The following NOL9 variants were observed in gnomAD, a reference collection of about 807,000 sequenced individuals.
NOL9 encodes nucleolar protein 9.
NOL9 carries 28 observed loss-of-function variants against 67.9 expected under a neutral mutation model. The observed-to-expected ratio is 0.41, with a 90% confidence interval of 0.31 to 0.57. The LOEUF is 0.57. Among genes scored for constraint, NOL9 ranks in the 20% least tolerant of loss-of-function variants. The pLI is 0.25. For synonymous variants in NOL9, 356 were observed against 352.2 expected (o/e 1.01, Z -0.12); for missense variants, 777 against 897.0 (o/e 0.87, Z 1.71).
At chr1:6,552,066 T>C (rs1409999711) in intron 1 of NOL9, among the ~76,000 whole-genome samples, 1 of 152,120 alleles carries the variant, frequency 6.6e-6, no homozygotes, top group Non-Finnish European at 1.5e-5. Flanking sequence ...AAATATGGTA[T>C]GTTCTCACTT....
chr1:6,547,685 T>C (rs1211797697), intron 3 of NOL9, among the ~76,000 whole-genome samples: 1 of 151,670 alleles, frequency 6.6e-6, no homozygotes, highest in Non-Finnish European at 1.5e-5. Flanking sequence ...CAAAATCCTA[T>C]CTCTACAAAA....
At chr1:6,537,575 T>G (rs1363280294) in intron 6 of NOL9, among the ~76,000 whole-genome samples, 2 of 152,172 alleles carry the variant, frequency 1.3e-5, no homozygotes, top group Non-Finnish European at 2.9e-5. Flanking sequence ...TTGTACTGAC[T>G]TCAAAACTTA....
At position 6,522,916 on chromosome 1, in the gene NOL9, A is replaced by G. The variant is rs1433352998; in HGVS notation, c.*2938T>C. 1 of 143,120 alleles carries G rather than the reference A, an allele frequency of 7.0e-6. No individual in the cohort carries two copies. Among genetic ancestry groups the G allele is most frequent in the African/African-American group, 2.6e-5 (1 of 37,844 alleles). 8.9% of individuals were successfully genotyped at this position (143,120 alleles called of 1,614,324 possible). On this transcript the variant is annotated 3_prime_UTR_variant, in exon 12 of 12. Transcript: ENST00000377705. ...AAAAAAAAAAAGAAATTGCTTCAGC[A>G]CTTTGGGAGGCCGAGGCAAGCGGAT...
intron 2 of NOL9, among the ~76,000 whole-genome samples, chr1:6,550,178 C>T (rs1387620571): frequency 6.6e-6 from 1 of 152,082 alleles, no homozygotes; most frequent in Non-Finnish European, 1.5e-5. Flanking sequence ...ACTACAGGCG[C>T]CTGCCACCAC....
In NOL9 at chr1:6,545,220, TA is replaced by T. The variant is rs1391186068; in HGVS notation, c.745-41del. The T allele has an allele frequency of 1.9e-6, 3 of 1,579,494 alleles. No homozygotes were observed. In the African/African-American group the frequency reaches 4.1e-5, roughly 22 times the overall value. ...TTAAACTTTAAGGTGAAAAAATGCA[TA>T]TTTTTTTCTTCAGTACTAAATTAAT... is the stretch of plus-strand genomic sequence containing the variant. On this transcript the variant is annotated intron_variant, in intron 3 of 11. Coordinates refer to ENST00000377705, the MANE Select transcript of NOL9 (RefSeq NM_024654.5).
intron 1 of NOL9, among the ~76,000 whole-genome samples, chr1:6,550,932 C>T (rs937434656): frequency 1.1e-4 from 16 of 152,128 alleles, no homozygotes; most frequent in Admixed American, 7.2e-4. Flanking sequence ...ATCCATCCAC[C>T]TCGGCCTCCC....
Position 6,524,026 on chromosome 1 carries a change from G to C in NOL9, c.*1828C>G, listed in dbSNP as rs1389360885. On this transcript the variant is annotated 3_prime_UTR_variant, in exon 12 of 12. Transcript: ENST00000377705. ...GGCAAAACATTGATGGTGATGGATT[G>C]TCTTAAAATTCTTTACAAGGCCAGC... 1 of 152,204 alleles carries C rather than the reference G, an allele frequency of 6.6e-6. No individual in the cohort carries two copies. The highest frequency in any genetic ancestry group is 1.9e-4 in the East Asian group (1 of 5,198). The allele number at this position is 152,204 out of a possible 1,614,324, so 9.4% of individuals were successfully genotyped here. A position where few individuals can be genotyped will look rare whatever the true frequency, so the allele number is the denominator to read the frequency against.
intron 1 of NOL9, among the ~76,000 whole-genome samples, chr1:6,550,969 C>A (rs1196616905): frequency 6.6e-6 from 1 of 152,110 alleles, no homozygotes; most frequent in African/African-American, 2.4e-5. Flanking sequence ...AGGCGTGCGC[C>A]ACCGCACCTG....
chr1:6,547,417 TC>T (rs1433209571), intron 3 of NOL9, among the ~76,000 whole-genome samples: 1 of 152,010 alleles, frequency 6.6e-6, no homozygotes, highest in Non-Finnish European at 1.5e-5. Flanking sequence ...CCTTGATTCT[TC>T]CTCACCCCTC....
chr1:6,528,914 AG>A (rs1638954149), intron 10 of NOL9, 79 bp downstream of exon 10: 1 of 1,403,144 alleles, frequency 7.1e-7, no homozygotes, highest in South Asian at 1.3e-5. Context: ...CACAGCTACA[AG>A]GTCAAGACCA....
At position 6,533,593 on chromosome 1, in the gene NOL9, C is replaced by T. The variant is rs995193319; in HGVS notation, c.1076-152G>A. 6 of 509,102 alleles carry T rather than the reference C, an allele frequency of 1.2e-5. No homozygotes were observed. In the African/African-American group the frequency reaches 1.2e-4, roughly 10 times the overall value. 31.5% of individuals were successfully genotyped at this position (509,102 alleles called of 1,614,324 possible). On this transcript the variant is annotated intron_variant, in intron 6 of 11. Transcript: ENST00000377705. ...CCTACCTACAGGAACACTCTAATTC[C>T]ATTTTTTGGAAATCTAAGCTTTCAA...
chr1:6,545,300 TC>T, intron 3 of NOL9, 120 bp from the exon 4 acceptor site: 1 of 996,606 alleles, frequency 1.0e-6, no homozygotes, highest in African/African-American at 1.6e-5. Context: ...TCCCTTTGTC[TC>T]CTGCCCCAAA....
At chr1:6,548,443 C>T (rs56036909) in intron 3 of NOL9, 33,963 of 223,716 alleles carry the variant, frequency 0.15, 2,944 homozygotes, top group African/African-American at 0.24. Context: ...CACCACGCCC[C>T]GCCAAGACCT....
rs1215065972 is a variant in NOL9 at position 6,549,094 on chromosome 1, C to T, written c.744+477G>A. 2.0e-5 allele frequency among the ~76,000 whole-genome samples: 3 copies of T among 151,036 alleles called. No individual in the cohort carries two copies. The East Asian group carries it at 5.8e-4, about 29-fold the overall frequency. On this transcript the variant is annotated intron_variant, in intron 3 of 11. Transcript: ENST00000377705. ...AGAGAGTCCATCTCAAAACAAAGAA[C>T]AAAAAAACAAAAATTAGCCGGGCAT...
chr1:6,543,026 T>C (rs879882346), intron 5 of NOL9, among the ~76,000 whole-genome samples: 2 of 151,970 alleles, frequency 1.3e-5, no homozygotes, highest in Admixed American at 6.6e-5. Flanking sequence ...CCCAAGTAGC[T>C]GGGACCACAG....
chr1:6,530,379 G>A (rs953593792), intron 9 of NOL9, among the ~76,000 whole-genome samples: 11 of 152,066 alleles, frequency 7.2e-5, no homozygotes, highest in Non-Finnish European at 1.2e-4. Flanking sequence ...GCTTGAACCC[G>A]GGAGGCGGAG....
At chr1:6,545,397 C>T (rs1639396837) in intron 3 of NOL9, among the ~76,000 whole-genome samples, 1 of 152,198 alleles carries the variant, frequency 6.6e-6, no homozygotes, top group Non-Finnish European at 1.5e-5. Context: ...CGAGCCTTCA[C>T]TGCCTCCGCA....
In NOL9 at chr1:6,549,562, G is replaced by A. The variant is rs184757090; in HGVS notation, c.744+9C>T. The A allele has an allele frequency of 3.6e-5, 58 of 1,611,874 alleles. No homozygotes were observed. The Admixed American group carries it at 5.9e-4, about 16-fold the overall frequency. ...AATTAGCAAAACTCTGAATGAAAAC[G>A]GGTTCTACCTCTTGCACAAAAATGT... is the stretch of plus-strand genomic sequence containing the variant. On this transcript the variant is annotated intron_variant, in intron 3 of 11. Transcript: ENST00000377705.
chr1:6,532,419 G>C (rs755280476), intron 8 of NOL9, 44 bp downstream of exon 8: 2 of 1,553,490 alleles, frequency 1.3e-6, no homozygotes, highest in African/African-American at 1.4e-5. Context: ...GGTCTTTTTC[G>C]ACGGAAGGAA....
Sources: allele counts gnomAD v4.1 joint callset (sites outside exome capture counted in the v4.1 genomes callset), GRCh38; gene constraint gnomAD v4.1.1; transcripts MANE v1.5; gene names NCBI Gene and HGNC (gene_info 2026-07-23, HGNC 2026-07-21).